Variants in IQGAP1 observed in about 807,000 individuals in gnomAD.
The protein encoded by IQGAP1 is ras GTPase-activating-like protein IQGAP1.
In IQGAP1, 66 loss-of-function variants were observed where a neutral mutation model predicts 215.6. The ratio of observed to expected loss-of-function variants is 0.31; its 90% CI spans 0.25 to 0.38. The LOEUF (loss-of-function observed/expected upper bound fraction) is 0.38, where lower values mean the gene tolerates loss of function less well. Ranked by LOEUF, IQGAP1 falls within the 10% of genes least tolerant of loss-of-function variation. The probability of loss-of-function intolerance (pLI) is 1.00; values close to 1 mark genes in which losing one functional copy is unlikely to be tolerated. For synonymous variants in IQGAP1, 772 were observed against 728.7 expected (o/e 1.06, Z -0.96); for missense variants, 1,712 against 1,997.1 (o/e 0.86, Z 2.72).
In IQGAP1 at chr15:90,477,324, C is replaced by T; in HGVS notation, c.3104+94C>T. The T allele has an allele frequency of 2.9e-6, 3 of 1,037,886 alleles. No homozygotes were observed. In the South Asian group the frequency reaches 5.0e-5, roughly 17 times the overall value. 64.3% of individuals were successfully genotyped at this position (1,037,886 alleles called of 1,614,324 possible). On this transcript the variant is annotated intron_variant, in intron 25 of 37. Transcript: ENST00000268182. ...TGCCTTCCTGATCTTTTCTTGATCT[C>T]AATTAATTTATGAAAAATACTTACT...
At chr15:90,394,195 T>G (rs1378199419) in intron 2 of IQGAP1, among the ~76,000 whole-genome samples, 3 of 150,892 alleles carry the variant, frequency 2.0e-5, no homozygotes, top group Admixed American at 1.3e-4. Context: ...CAGGTTTTTT[T>G]TTTTTTTTTT....
intron 1 of IQGAP1, among the ~76,000 whole-genome samples, chr15:90,390,385 G>A (rs1337469426): frequency 6.6e-6 from 1 of 152,144 alleles, no homozygotes; most frequent in Admixed American, 6.6e-5. Flanking sequence ...AAAATGCTTC[G>A]TACAATTACT....
Position 90,487,099 on chromosome 15 carries a change from A to C in IQGAP1, c.4160+10A>C, listed in dbSNP as rs774884535. On this transcript the variant is annotated intron_variant, in intron 32 of 37. Coordinates refer to ENST00000268182, the MANE Select transcript of IQGAP1 (RefSeq NM_003870.4). Reference sequence around the variant, plus strand: ...GAACCATCTTACTGAAGTGAGTATCAAAAGAAGGAAGAATGAAATGAATGT... The same window carrying C: ...GAACCATCTTACTGAAGTGAGTATCCAAAGAAGGAAGAATGAAATGAATGT... 3 of 1,613,822 alleles carry C rather than the reference A, an allele frequency of 1.9e-6. No homozygotes were observed. The South Asian group carries it at 3.3e-5, about 18-fold the overall frequency.
chr15:90,394,100 AC>A (rs1304222990), intron 2 of IQGAP1, among the ~76,000 whole-genome samples: 3 of 131,734 alleles, frequency 2.3e-5, no homozygotes, highest in African/African-American at 8.9e-5. Context: ...GTGCCATTGC[AC>A]TCCAGCCTGG....
intron 23 of IQGAP1, 157 bp downstream of exon 23, chr15:90,474,850 T>G (rs1287582630): frequency 6.6e-6 from 4 of 608,734 alleles, no homozygotes; most frequent in African/African-American, 1.9e-5. Context: ...TCTCACTCTG[T>G]TGCCCAGGTT....
chr15:90,388,281 A>G lies in IQGAP1; in HGVS notation c.-61A>G, dbSNP rs2151691228. ...CGCGCACTTGGCAGGAGCTGTAGCT[A>G]CCGCCGTCCGCGCCTCCAAGGTTTC... On this transcript the variant is annotated 5_prime_UTR_variant, in exon 1 of 38. Coordinates refer to ENST00000268182, the MANE Select transcript of IQGAP1 (RefSeq NM_003870.4). 6.4e-7 allele frequency: 1 copy of G among 1,567,618 alleles called. No individual in the cohort carries two copies. Among genetic ancestry groups the G allele is most frequent in the Non-Finnish European group, 8.7e-7 (1 of 1,151,476 alleles).
At chr15:90,498,937 GT>G (rs761812410) in intron 37 of IQGAP1, among the ~76,000 whole-genome samples, 14 of 152,116 alleles carry the variant, frequency 9.2e-5, no homozygotes, top group Non-Finnish European at 1.6e-4. Flanking sequence ...AGCCTCCTGA[GT>G]AGCTGAGAAT....
rs34325733 is a variant in IQGAP1 at position 90,479,576 on chromosome 15, T to TAA, written c.3329+1706_3329+1707dup. On this transcript the variant is annotated intron_variant, in intron 26 of 37. Coordinates refer to ENST00000268182, the MANE Select transcript of IQGAP1 (RefSeq NM_003870.4). ...AACATAGGGATACCTTGTCCCTACT[T>TAA]AAAAAAAAAAAAAAAAAAAATTAGC... Among the ~76,000 whole-genome samples, 322 of 132,638 alleles carry TAA rather than the reference T, an allele frequency of 2.4e-3. 4 individuals are homozygous for TAA. Among genetic ancestry groups the TAA allele is most frequent in the Middle Eastern group, 7.6e-3 (2 of 262 alleles). 87.0% of individuals were successfully genotyped at this position (132,638 alleles called of 152,430 possible). A position where few individuals can be genotyped will look rare whatever the true frequency, so the allele number is the denominator to read the frequency against.
At chr15:90,410,043 A>G (rs1228692021) in intron 2 of IQGAP1, among the ~76,000 whole-genome samples, 1 of 152,022 alleles carries the variant, frequency 6.6e-6, no homozygotes, top group Non-Finnish European at 1.5e-5. Context: ...TAGGTTCTGG[A>G]TATTAGCCCT....
At chr15:90,412,590 T>C (rs957899086) in intron 2 of IQGAP1, among the ~76,000 whole-genome samples, 2 of 152,188 alleles carry the variant, frequency 1.3e-5, no homozygotes, top group Admixed American at 6.5e-5. Context: ...TTTCTGCGTA[T>C]GGTGAAGAAT....
chr15:90,487,237 T>C, intron 32 of IQGAP1, 148 bp downstream of exon 32: 1 of 777,454 alleles, frequency 1.3e-6, no homozygotes, highest in Non-Finnish European at 2.1e-6. Flanking sequence ...TCGCATATTG[T>C]ACTTGGTACA....
chr15:90,486,100 T>G lies in IQGAP1; in HGVS notation c.3992T>G (p.Leu1331Arg), dbSNP rs1966122631. 1 of 1,613,888 alleles carries G rather than the reference T, an allele frequency of 6.2e-7. No individual in the cohort carries two copies. Among genetic ancestry groups the G allele is most frequent in the Non-Finnish European group, 8.5e-7 (1 of 1,179,928 alleles). ...NDPIHELLDD[L>R]GEVPTIESLI... ...CCAATCCACGAACTGCTGGACGACC[T>G]CGGCGAGGTGCCCACCATCGAGTCC... Residue 1331 changes from leucine (L) to arginine (R), a missense_variant, in exon 31 of 38, where the codon CTC becomes CGC. Coordinates refer to ENST00000268182, the MANE Select transcript of IQGAP1 (RefSeq NM_003870.4).
At chr15:90,436,078 T>TC (rs1260987398) in intron 5 of IQGAP1, among the ~76,000 whole-genome samples, 2 of 148,268 alleles carry the variant, frequency 1.3e-5, no homozygotes, top group Admixed American at 6.9e-5. Context: ...TTTTTTTTTT[T>TC]CCTCTAAAGT....
At chr15:90,410,378 C>A (rs1042660797) in intron 2 of IQGAP1, among the ~76,000 whole-genome samples, 1 of 152,192 alleles carries the variant, frequency 6.6e-6, no homozygotes, top group Non-Finnish European at 1.5e-5. Context: ...TATAAAGACA[C>A]ATGCGCACGT....
intron 26 of IQGAP1, among the ~76,000 whole-genome samples, chr15:90,480,219 TTAAAAAAAAAAAAA>T (rs903512849): frequency 1.5e-5 from 2 of 131,708 alleles, no homozygotes; most frequent in African/African-American, 5.8e-5. Flanking sequence ...ACCCCATATC[TTAAAAAAAAAAAAA>T]AAAAAAAAGG....
rs778137160 is a variant in IQGAP1, at chr15:90,439,313, T to C, written c.468-19T>C. ...GGCACAGCTGGGAGGCCTAACCTTT[T>C]GCATATTGTATCTTCTAGTTTGTAC... On this transcript the variant is annotated intron_variant, in intron 5 of 37. Coordinates refer to ENST00000268182, the MANE Select transcript of IQGAP1 (RefSeq NM_003870.4). The C allele has an allele frequency of 1.2e-6, 2 of 1,609,224 alleles. No individual in the cohort carries two copies. The highest frequency in any genetic ancestry group is 4.5e-5 in the East Asian group (2 of 44,776).
At chr15:90,397,641 C>T (rs995118906) in intron 2 of IQGAP1, among the ~76,000 whole-genome samples, 7 of 151,160 alleles carry the variant, frequency 4.6e-5, no homozygotes, top group African/African-American at 1.2e-4. Context: ...CTCAGCCTCC[C>T]GAGTAGCTGG....
chr15:90,457,672 C>T (rs1304399347), intron 15 of IQGAP1, among the ~76,000 whole-genome samples: 1 of 150,300 alleles, frequency 6.7e-6, no homozygotes, highest in African/African-American at 2.5e-5. Context: ...GAACTCCTGA[C>T]CTCAAGTGAT....
chr15:90,426,061 A>C (rs752715457), intron 2 of IQGAP1, 49 bp from the exon 3 acceptor site: 31 of 1,541,312 alleles, frequency 2.0e-5, no homozygotes, highest in Non-Finnish European at 2.5e-5. Context: ...TCTAAGGAAA[A>C]GTTCTGACCT....
Sources: gnomAD v4.1 joint callset for allele counts (sites outside exome capture counted in the v4.1 genomes callset) on GRCh38, gnomAD v4.1.1 for gene constraint, MANE v1.5 for transcripts, NCBI Gene and HGNC (gene_info 2026-07-23, HGNC 2026-07-21) for gene names.